Variants in PRRC2C observed in about 807,000 individuals in gnomAD.
PRRC2C encodes the protein protein PRRC2C.
PRRC2C carries 72 observed loss-of-function variants against 317.2 expected under a neutral mutation model. The observed-to-expected ratio is 0.23, with a 90% CI of 0.19 to 0.28. The LOEUF (loss-of-function observed/expected upper bound fraction) is 0.28. Among genes scored for constraint, PRRC2C ranks in the 10% least tolerant of loss-of-function variants. PRRC2C has a pLI of 1.00. For missense variants in PRRC2C, 3,074 were observed against 3,459.7 expected (o/e 0.89, Z 2.80); for synonymous variants, 1,296 against 1,205.9 (o/e 1.07, Z -1.55).
intron 18 of PRRC2C, among the ~76,000 whole-genome samples, chr1:171,554,648 G>A (rs979468565): frequency 2.6e-5 from 4 of 152,180 alleles, no homozygotes; most frequent in Non-Finnish European, 5.9e-5. Flanking sequence ...CTCTTGTAAG[G>A]CAGGCCTGGT....
intron 12 of PRRC2C, among the ~76,000 whole-genome samples, 193 bp from the exon 13 acceptor site, chr1:171,535,235 G>A (rs1676601371): frequency 6.6e-6 from 1 of 151,938 alleles, no homozygotes; most frequent in East Asian, 1.9e-4. Flanking sequence ...CAGCTTTTAG[G>A]AAATCTAAGG....
At chr1:171,521,607 C>CT (rs869153386) in intron 6 of PRRC2C, among the ~76,000 whole-genome samples, 2 of 113,274 alleles carry the variant, frequency 1.8e-5, no homozygotes, top group Non-Finnish European at 3.8e-5. Flanking sequence ...TGAGTTCTTC[C>CT]CCACGCCTGC....
intron 33 of PRRC2C, 98 bp from the exon 34 acceptor site, chr1:171,589,271 A>G: frequency 3.5e-6 from 2 of 564,988 alleles, no homozygotes; most frequent in South Asian, 1.9e-5. Context: ...ATGGGCACAG[A>G]TTTACTCTGG....
chr1:171,507,731 A>T (rs1454471720), intron 1 of PRRC2C, among the ~76,000 whole-genome samples: 1 of 152,084 alleles, frequency 6.6e-6, no homozygotes, highest in Non-Finnish European at 1.5e-5. Context: ...TTCCCCTCTG[A>T]TCCTCTCAGG....
At chr1:171,492,660 C>A (rs992216361) in intron 1 of PRRC2C, among the ~76,000 whole-genome samples, 1 of 152,114 alleles carries the variant, frequency 6.6e-6, no homozygotes, top group East Asian at 1.9e-4. Context: ...AGTGGGATAG[C>A]CATTGCACTC....
chr1:171,589,459 C>A lies in PRRC2C; in HGVS notation c.8290C>A (p.Leu2764Met). 7.8e-7 allele frequency: 1 copy of A among 1,289,842 alleles called. No individual in the cohort carries two copies. The highest frequency in any genetic ancestry group is 1.0e-6 in the Non-Finnish European group (1 of 988,870). The allele number at this position is 1,289,842 out of a possible 1,614,324, so 79.9% of individuals were successfully genotyped here. A position where few individuals can be genotyped will look rare whatever the true frequency, so the allele number is the denominator to read the frequency against. The change falls in exon 34 of 35, where the codon CTG (leucine) becomes ATG (methionine). Residue 2764 changes from leucine to methionine, a missense_variant. Transcript: ENST00000647382. ...PAPVQRPPMA[L>M]ASQMPPPLTT... is the part of the protein sequence containing the mutation. ...GCCTGTTCAGAGGCCACCAATGGCA[C>A]TGGCCAGTCAGATGCCTCCTCCGCT...
chr1:171,559,711 G>A (rs1682281645), intron 19 of PRRC2C, among the ~76,000 whole-genome samples: 1 of 151,738 alleles, frequency 6.6e-6, no homozygotes, highest in African/African-American at 2.4e-5. Context: ...CATAGAGACG[G>A]GGTTTTGCCA....
chr1:171,537,177 A>G, intron 14 of PRRC2C, 86 bp from the exon 15 acceptor site: 1 of 1,021,316 alleles, frequency 9.8e-7, no homozygotes, highest in Non-Finnish European at 1.4e-6. Context: ...CTAACAATTA[A>G]TAACCTGTAT....
At chr1:171,548,160 T>A (rs1372944771) in intron 17 of PRRC2C, among the ~76,000 whole-genome samples, 2 of 150,014 alleles carry the variant, frequency 1.3e-5, no homozygotes, top group African/African-American at 4.9e-5. Flanking sequence ...AGAGAGAGGG[T>A]TTTTTACCAT....
At chr1:171,486,018 G>A (rs537535148) in intron 1 of PRRC2C, among the ~76,000 whole-genome samples, 25 of 151,966 alleles carry the variant, frequency 1.6e-4, no homozygotes, top group African/African-American at 6.0e-4. Flanking sequence ...CTCCCACCTA[G>A]ACCCCAGTCC....
At position 171,503,822 on chromosome 1, in the gene PRRC2C, G is replaced by A. The variant is rs191774623; in HGVS notation, c.-57-8210G>A. On this transcript the variant is annotated intron_variant, in intron 1 of 34. Coordinates refer to ENST00000647382, the MANE Select transcript of PRRC2C (RefSeq NM_001387844.1). ...TGGCTGGGGAGGCCTCACAATCATG[G>A]CAGAAGGCAAAGAGGAGCAAAGCTG... 7.9e-5 allele frequency among the ~76,000 whole-genome samples: 12 copies of A among 152,256 alleles called. No individual in the cohort carries two copies. The East Asian group carries it at 2.1e-3, about 27-fold the overall frequency.
rs1388268599 is a variant in PRRC2C, at chr1:171,557,550, C to T, written c.5438C>T (p.Ala1813Val). 1.9e-6 allele frequency: 3 copies of T among 1,551,510 alleles called. No individual in the cohort carries two copies. The highest frequency in any genetic ancestry group is 2.7e-5 in the African/African-American group (2 of 73,010). The change falls in exon 19 of 35, where the codon GCC becomes GTC. Residue 1813 changes from alanine (A) to valine (V), a missense_variant. By Grantham distance (64) the Ala-to-Val change is moderately conservative. Coordinates refer to ENST00000647382, the MANE Select transcript of PRRC2C (RefSeq NM_001387844.1). ...GCCTCACCCTTAGCTCCAGTTTCAG[C>T]CTCAGCCTCAGTCTCAGCTTCAGTT... is the stretch of plus-strand genomic sequence containing the variant. Reference protein sequence around the residue: ...VPASPLAPVSASASVSASVPA... With the variant: ...VPASPLAPVSVSASVSASVPA...
intron 11 of PRRC2C, among the ~76,000 whole-genome samples, chr1:171,529,540 ATC>A (rs1182914803): frequency 2.0e-5 from 3 of 152,168 alleles, no homozygotes; most frequent in African/African-American, 7.2e-5. Flanking sequence ...ATCTAGCTTT[ATC>A]TATCAGCAGA....
At chr1:171,514,309 A>T (rs1476028621) in intron 3 of PRRC2C, among the ~76,000 whole-genome samples, 1 of 152,012 alleles carries the variant, frequency 6.6e-6, no homozygotes, top group Non-Finnish European at 1.5e-5. Context: ...AAAATGGAAA[A>T]CAAGCAAAAC....
At position 171,539,978 on chromosome 1, in the gene PRRC2C, G is replaced by A. The variant is rs890349143; in HGVS notation, c.2512G>A (p.Ala838Thr). The change falls in exon 16 of 35, where the codon GCT becomes ACT. Residue 838 changes from alanine (A) to threonine (T), a missense_variant. By Grantham distance (58) the Ala-to-Thr change is moderately conservative (BLOSUM62 0). Coordinates refer to ENST00000647382, the MANE Select transcript of PRRC2C (RefSeq NM_001387844.1). The part of the protein sequence containing the change: ...TEEPEDVRSE[A>T]ALDQEQITAA... The stretch of plus-strand genomic sequence containing the variant: ...GAATTCTTATCATCATAGGTCTGAA[G>A]CTGCGTTGGACCAGGAACAGATTAC... 6.2e-7 allele frequency: 1 copy of A among 1,606,722 alleles called. No homozygotes were observed. Among genetic ancestry groups the A allele is most frequent in the Non-Finnish European group, 8.5e-7 (1 of 1,176,942 alleles).
intron 9 of PRRC2C, among the ~76,000 whole-genome samples, chr1:171,524,272 A>C (rs1674147327): frequency 6.6e-6 from 1 of 152,064 alleles, no homozygotes; most frequent in Non-Finnish European, 1.5e-5. Context: ...TTCATTCTGG[A>C]ATATTGGAGC....
chr1:171,559,509 G>GTTT (rs869093669), intron 19 of PRRC2C, among the ~76,000 whole-genome samples: 6 of 33,756 alleles, frequency 1.8e-4, no homozygotes, highest in Non-Finnish European at 3.7e-4. Context: ...TACCAAGTTT[G>GTTT]TTTTTTTTTT....
At chr1:171,486,141 T>G (rs1666038215) in intron 1 of PRRC2C, among the ~76,000 whole-genome samples, 1 of 141,414 alleles carries the variant, frequency 7.1e-6, no homozygotes. Context: ...GTGTCGGGTA[T>G]GCGTTTCCCC....
At chr1:171,577,770 C>CATG (rs138767556) in intron 26 of PRRC2C, 133 bp downstream of exon 26, 1 of 329,358 alleles carries the variant, frequency 3.0e-6, no homozygotes, top group African/African-American at 3.2e-5. Flanking sequence ...TTTAAATTCG[C>CATG]ATTTTTTTTT....
Sources: allele counts gnomAD v4.1 joint callset (sites outside exome capture counted in the v4.1 genomes callset), GRCh38; gene constraint gnomAD v4.1.1; transcripts MANE v1.5; gene names NCBI Gene and HGNC (gene_info 2026-07-23, HGNC 2026-07-21).